Variants in NDRG4 observed in about 807,000 individuals in gnomAD.
The protein encoded by NDRG4 is NDRG family member 4.
NDRG4 carries 38 observed loss-of-function variants against 55.8 expected under a neutral mutation model. That is an observed-to-expected ratio of 0.68 (90% CI 0.53 to 0.89). The LOEUF is 0.89. Among genes scored for constraint, NDRG4 ranks in the 40% least tolerant of loss-of-function variants. The pLI, the probability that NDRG4 is intolerant of heterozygous loss-of-function variation, is 0.00. For synonymous variants in NDRG4, 190 were observed against 182.7 expected (o/e 1.04, Z -0.32); for missense variants, 455 against 468.6 (o/e 0.97, Z 0.27).
intron 1 of NDRG4, among the ~76,000 whole-genome samples, chr16:58,474,097 C>T (rs1001624054): frequency 5.3e-5 from 7 of 131,900 alleles, no homozygotes; most frequent in South Asian, 4.8e-4. Context: ...AGTCCAGTGG[C>T]GTAATCTCAG....
intron 1 of NDRG4, among the ~76,000 whole-genome samples, chr16:58,475,092 C>T (rs1019661648): frequency 3.9e-5 from 6 of 152,196 alleles, no homozygotes; most frequent in Non-Finnish European, 7.3e-5. Flanking sequence ...GTATTGCAGA[C>T]TCCTGTGCCA....
At chr16:58,466,163 C>T (rs1484139788) in intron 1 of NDRG4, among the ~76,000 whole-genome samples, 4 of 152,262 alleles carry the variant, frequency 2.6e-5, no homozygotes, top group South Asian at 2.1e-4. Flanking sequence ...ATTACAGGCA[C>T]GCGCCACCAT....
chr16:58,466,943 C>T (rs975661299), intron 1 of NDRG4, among the ~76,000 whole-genome samples: 19 of 152,172 alleles, frequency 1.2e-4, no homozygotes, highest in African/African-American at 4.1e-4. Flanking sequence ...TGGTTGGCAC[C>T]TAGAGCATTT....
At chr16:58,494,832 T>TAAAA (rs59711785) in intron 2 of NDRG4, 1,816 of 542,408 alleles carry the variant, frequency 3.3e-3, no homozygotes, top group Middle Eastern at 3.9e-3. Flanking sequence ...ACCCTGTCTC[T>TAAAA]AAAAAAAAAA....
intron 1 of NDRG4, among the ~76,000 whole-genome samples, chr16:58,483,803 G>A (rs930604104): frequency 6.6e-6 from 1 of 152,224 alleles, no homozygotes; most frequent in Non-Finnish European, 1.5e-5. Flanking sequence ...GGTGGCTTAC[G>A]CCAGTAATCC....
At chr16:58,488,065 G>A (rs745921693) in intron 2 of NDRG4, among the ~76,000 whole-genome samples, 2 of 152,186 alleles carry the variant, frequency 1.3e-5, no homozygotes, top group African/African-American at 4.8e-5. Flanking sequence ...GGCTAAAGGC[G>A]CCACAGGAGA....
chr16:58,504,271 A>C lies in NDRG4; in HGVS notation c.245A>C (p.Gln82Pro). ...GQQVGASQFP[Q>P]GYQFPSMEQL... ...CAGGTGGGGGCGTCGCAGTTTCCTC[A>C]GGGGTAGGTACCCTGAGCCCCCTCT... is the stretch of plus-strand genomic sequence containing the variant. The change falls in exon 3 of 15, where the codon CAG (glutamine) becomes CCG (proline). Residue 82 changes from glutamine to proline, a missense_variant. Physicochemically the swap from Gln to Pro is moderately conservative, Grantham distance 76. Coordinates refer to ENST00000570248, the MANE Select transcript of NDRG4 (RefSeq NM_001242835.2). The C allele has an allele frequency of 6.2e-7, 1 of 1,614,080 alleles. No individual in the cohort carries two copies. The highest frequency in any genetic ancestry group is 8.5e-7 in the Non-Finnish European group (1 of 1,179,992).
upstream of NDRG4, among the ~76,000 whole-genome samples, chr16:58,497,660 C>T (rs1487440262): frequency 6.6e-6 from 1 of 152,232 alleles, no homozygotes; most frequent in African/African-American, 2.4e-5. Context: ...CCCAAGGTCA[C>T]ACAGCAAAGA....
chr16:58,505,125 A>G lies in NDRG4; in HGVS notation c.372+476A>G, dbSNP rs374195308. Among the ~76,000 whole-genome samples the G allele has an allele frequency of 1.8e-3, 268 of 152,300 alleles. No homozygotes were observed. In the East Asian group the frequency reaches 0.02, roughly 12 times the overall value. On this transcript the variant is annotated intron_variant, in intron 5 of 14. Transcript: ENST00000570248. ...AGCACTTTGGGAGGCCAAGGTGGGC[A>G]GATCACGAGGTCAGGAGATCAAGAC...
upstream of NDRG4, among the ~76,000 whole-genome samples, chr16:58,498,371 G>A (rs2036642013): frequency 6.6e-6 from 1 of 152,160 alleles, no homozygotes; most frequent in African/African-American, 2.4e-5. Flanking sequence ...TAAGAGGTGA[G>A]AGATGGAATA....
chr16:58,487,715 T>A, intron 1 of NDRG4: 1 of 1,438,890 alleles, frequency 6.9e-7, no homozygotes, highest in South Asian at 1.3e-5. Context: ...CGCCCGGGCG[T>A]CCCCGCCGCA....
At chr16:58,500,737 G>A (rs559344283) in intron 1 of NDRG4, 2 of 418,772 alleles carry the variant, frequency 4.8e-6, no homozygotes, top group East Asian at 7.3e-5. Flanking sequence ...CCCAGTGTGC[G>A]TGCCGGGTCT....
chr16:58,483,802 C>T (rs139749693), intron 1 of NDRG4, among the ~76,000 whole-genome samples: 211 of 152,332 alleles, frequency 1.4e-3, no homozygotes, highest in African/African-American at 4.0e-3. Context: ...TGGTGGCTTA[C>T]GCCAGTAATC....
chr16:58,500,231 G>T lies in NDRG4; in HGVS notation c.-18G>T. Reference sequence around the variant, plus strand: ...TGTTTGTCCTTCCTGGTAGAGGCGGGTTCCCTCCCTCGGCAAGATGCCGGA... The same window carrying T: ...TGTTTGTCCTTCCTGGTAGAGGCGGTTTCCCTCCCTCGGCAAGATGCCGGA... On this transcript the variant is annotated 5_prime_UTR_variant, in exon 1 of 15. Coordinates refer to ENST00000570248, the MANE Select transcript of NDRG4 (RefSeq NM_001242835.2). 1.3e-6 allele frequency: 2 copies of T among 1,536,084 alleles called. No homozygotes were observed. The highest frequency in any genetic ancestry group is 1.4e-5 in the African/African-American group (1 of 73,174).
At chr16:58,508,803 G>A (rs2151839672) in intron 10 of NDRG4, among the ~76,000 whole-genome samples, 159 bp from the exon 11 acceptor site, 1 of 152,318 alleles carries the variant, frequency 6.6e-6, no homozygotes, top group African/African-American at 2.4e-5. Flanking sequence ...GGAGCCCTGG[G>A]AGAAGAAAGC....
chr16:58,485,328 TGAG>T (rs1252686089), intron 1 of NDRG4, among the ~76,000 whole-genome samples: 1 of 152,196 alleles, frequency 6.6e-6, no homozygotes, highest in African/African-American at 2.4e-5. Flanking sequence ...CTCTGGATGA[TGAG>T]GTCTCTCTCT....
At chr16:58,485,175 G>A (rs753991511) in intron 1 of NDRG4, among the ~76,000 whole-genome samples, 5 of 152,052 alleles carry the variant, frequency 3.3e-5, no homozygotes, top group Non-Finnish European at 7.4e-5. Context: ...GAGCCACCAC[G>A]CCCGGCCCAT....
Position 58,511,531 on chromosome 16 carries a change from C to A in NDRG4, c.1014C>A (p.Ser338Arg). The A allele has an allele frequency of 6.2e-7, 1 of 1,613,046 alleles. No individual in the cohort carries two copies. The highest frequency in any genetic ancestry group is 1.3e-5 in the African/African-American group (1 of 75,038). Reference protein sequence around the residue: ...RPQACTHSESSEGLGQVNHTM... With the variant: ...RPQACTHSESREGLGQVNHTM... ...AGGCCTGCACCCACTCAGAGAGCAGCGAGGGGCTGGGCCAGGTCAACCACA... is the reference window on the plus strand; with the variant it reads ...AGGCCTGCACCCACTCAGAGAGCAGAGAGGGGCTGGGCCAGGTCAACCACA... Residue 338 changes from serine to arginine, a missense_variant, in exon 15 of 15, where the codon AGC becomes AGA. By Grantham distance (110) the Ser-to-Arg change is moderately radical. Coordinates refer to ENST00000570248, the MANE Select transcript of NDRG4 (RefSeq NM_001242835.2).
chr16:58,506,901 C>T lies in NDRG4; in HGVS notation c.517-11C>T, dbSNP rs775177725. 8 of 1,612,742 alleles carry T rather than the reference C, an allele frequency of 5.0e-6. No individual in the cohort carries two copies. In the Admixed American group the frequency reaches 5.0e-5, roughly 10 times the overall value. ...CCCTCTGCATGCCTCCATCCATCTC[C>T]CTGGGCCTAGGAGGAGCTGGTGAAC... On this transcript the variant is annotated splice_polypyrimidine_tract_variant and intron_variant, in intron 7 of 14. Coordinates refer to ENST00000570248, the MANE Select transcript of NDRG4 (RefSeq NM_001242835.2).
Sources: gnomAD v4.1 joint callset for allele counts (sites outside exome capture counted in the v4.1 genomes callset) on GRCh38, gnomAD v4.1.1 for gene constraint, MANE v1.5 for transcripts, NCBI Gene and HGNC (gene_info 2026-07-23, HGNC 2026-07-21) for gene names.